KAT6B: variants seen among roughly 807,000 people sequenced by gnomAD.
KAT6B encodes the protein lysine acetyltransferase 6B, also known as histone acetyltransferase KAT6B.
Under a neutral mutation model 187.5 loss-of-function variants are expected in KAT6B, and 10 were observed. The ratio of observed to expected loss-of-function variants is 0.05; its 90% CI spans 0.03 to 0.09. KAT6B has a LOEUF of 0.09. Among genes scored for constraint, KAT6B ranks in the 10% least tolerant of loss-of-function variants. The pLI is 1.00. For missense variants in KAT6B, 1,952 were observed against 2,558.9 expected (o/e 0.76, Z 5.12); for synonymous variants, 861 against 926.8 (o/e 0.93, Z 1.29).
intron 1 of KAT6B, among the ~76,000 whole-genome samples, chr10:74,837,752 G>A (rs557917542): frequency 3.9e-5 from 6 of 152,158 alleles, no homozygotes; most frequent in South Asian, 2.1e-4. Flanking sequence ...AAAAATTTGC[G>A]GTGGATAATA....
intron 3 of KAT6B, among the ~76,000 whole-genome samples, chr10:74,918,888 C>T (rs1207700954): frequency 6.6e-6 from 1 of 152,120 alleles, no homozygotes; most frequent in Non-Finnish European, 1.5e-5. Flanking sequence ...AATTGTCAAT[C>T]TCAGGTAATT....
chr10:74,855,764 G>T (rs1183563454), intron 3 of KAT6B, among the ~76,000 whole-genome samples: 8 of 152,124 alleles, frequency 5.3e-5, no homozygotes, highest in Non-Finnish European at 1.0e-4. Context: ...AATATTAAAA[G>T]AGTAGTACAG....
intron 3 of KAT6B, among the ~76,000 whole-genome samples, chr10:74,855,631 A>G (rs1324989314): frequency 2.0e-5 from 3 of 152,238 alleles, no homozygotes; most frequent in African/African-American, 7.2e-5. Flanking sequence ...TTTGAAGAAC[A>G]TCAGCTGTTC....
chr10:74,947,796 G>A (rs907416031), intron 3 of KAT6B, among the ~76,000 whole-genome samples: 3 of 152,190 alleles, frequency 2.0e-5, no homozygotes, highest in African/African-American at 4.8e-5. Context: ...GTCATGCCTG[G>A]TATTTCTTCT....
intron 3 of KAT6B, among the ~76,000 whole-genome samples, chr10:74,859,909 T>C (rs1306079016): frequency 6.6e-6 from 1 of 152,230 alleles, no homozygotes; most frequent in Admixed American, 6.5e-5. Flanking sequence ...ATCTTGCTAG[T>C]GTATGAACAC....
intron 3 of KAT6B, among the ~76,000 whole-genome samples, chr10:74,923,714 C>T (rs1848303050): frequency 6.6e-6 from 1 of 152,052 alleles, no homozygotes; most frequent in Non-Finnish European, 1.5e-5. Context: ...GGAGAGTCGT[C>T]AAGTAGTAAG....
At chr10:75,017,009 G>A (rs1049383488) in intron 13 of KAT6B, among the ~76,000 whole-genome samples, 45 of 151,860 alleles carry the variant, frequency 3.0e-4, no homozygotes, top group African/African-American at 1.0e-3. Context: ...GATTACAGGC[G>A]CACGCCACCA....
At chr10:74,934,382 A>G (rs1849096149) in intron 3 of KAT6B, among the ~76,000 whole-genome samples, 1 of 152,144 alleles carries the variant, frequency 6.6e-6, no homozygotes, top group Non-Finnish European at 1.5e-5. Flanking sequence ...ACCAGTCTTC[A>G]TAAAATCCAC....
intron 3 of KAT6B, among the ~76,000 whole-genome samples, chr10:74,893,122 A>G (rs556352935): frequency 1.3e-5 from 2 of 152,338 alleles, no homozygotes; most frequent in African/African-American, 4.8e-5. Context: ...GCTGAGTCAA[A>G]GGGCACCCGT....
intron 2 of KAT6B, among the ~76,000 whole-genome samples, chr10:74,839,333 C>T (rs910645697): frequency 2.0e-5 from 3 of 150,824 alleles, no homozygotes; most frequent in Non-Finnish European, 4.4e-5. Flanking sequence ...TGGGTTCAAG[C>T]GATTCTCCTG....
At chr10:74,941,868 G>A (rs936564482) in intron 3 of KAT6B, among the ~76,000 whole-genome samples, 1 of 152,156 alleles carries the variant, frequency 6.6e-6, no homozygotes, top group Non-Finnish European at 1.5e-5. Context: ...CCAAAAACTG[G>A]CCGGGTGCCA....
At chr10:74,996,630 G>A (rs1301838022) in intron 13 of KAT6B, among the ~76,000 whole-genome samples, 2 of 152,094 alleles carry the variant, frequency 1.3e-5, no homozygotes, top group East Asian at 1.9e-4. Context: ...TTAGCTGGGT[G>A]TGGTGGCACA....
intron 6 of KAT6B, among the ~76,000 whole-genome samples, chr10:74,972,177 G>A (rs1227830230): frequency 1.3e-5 from 2 of 151,808 alleles, no homozygotes; most frequent in African/African-American, 2.4e-5. Context: ...ATTTGAAAAT[G>A]TCTCCCTCAA....
intron 1 of KAT6B, among the ~76,000 whole-genome samples, chr10:74,836,414 A>G (rs1841313530): frequency 6.6e-6 from 1 of 152,120 alleles, no homozygotes. Context: ...CTATTTCTTA[A>G]TTGCTTCTTA....
chr10:74,961,457 G>T (rs1274674436), intron 4 of KAT6B, among the ~76,000 whole-genome samples: 1 of 152,068 alleles, frequency 6.6e-6, no homozygotes. Context: ...GGATCTATTT[G>T]TCTGGGTGCC....
chr10:74,977,571 A>G (rs1842243308), intron 9 of KAT6B, 134 bp downstream of exon 9: 21 of 1,113,250 alleles, frequency 1.9e-5, no homozygotes, highest in Admixed American at 3.5e-5. Flanking sequence ...TATCATGCCC[A>G]TTTCTACTGA....
intron 3 of KAT6B, among the ~76,000 whole-genome samples, chr10:74,854,988 T>C (rs1285161135): frequency 1.3e-5 from 2 of 152,204 alleles, no homozygotes; most frequent in East Asian, 1.9e-4. Context: ...AGTCGGTCTT[T>C]TGTTGTTAAT....
chr10:74,974,161 A>G (rs1842016383), intron 7 of KAT6B, among the ~76,000 whole-genome samples: 1 of 152,188 alleles, frequency 6.6e-6, no homozygotes, highest in Non-Finnish European at 1.5e-5. Flanking sequence ...GTGACACTAG[A>G]GATCTCTAGC....
chr10:74,934,829 A>G (rs2133214717), intron 3 of KAT6B, among the ~76,000 whole-genome samples: 1 of 152,332 alleles, frequency 6.6e-6, no homozygotes, highest in Middle Eastern at 3.4e-3. Flanking sequence ...AGGTCTGACA[A>G]TAATAGACCT....
Sources: gnomAD v4.1 joint callset for allele counts (sites outside exome capture counted in the v4.1 genomes callset) on GRCh38, gnomAD v4.1.1 for gene constraint, MANE v1.5 for transcripts, NCBI Gene and HGNC (gene_info 2026-07-23, HGNC 2026-07-21) for gene names.